Variants in PCBP3 observed in about 807,000 individuals in gnomAD.
The protein encoded by PCBP3 is poly(rC) binding protein 3.
A neutral mutation model predicts 52.7 loss-of-function variants in PCBP3; 25 were observed. The ratio of observed to expected loss-of-function variants is 0.47; its 90% CI spans 0.35 to 0.66. The LOEUF (loss-of-function observed/expected upper bound fraction) is 0.66, where lower values mean the gene tolerates loss of function less well. Ranked by LOEUF, PCBP3 falls within the 30% of genes least tolerant of loss-of-function variation. The pLI is 0.01. For missense variants in PCBP3, 391 were observed against 490.3 expected (o/e 0.80, Z 1.91); for synonymous variants, 162 against 183.0 (o/e 0.89, Z 0.93).
At chr21:45,939,901 G>C in intron 16 of PCBP3, 129 bp from the exon 17 acceptor site, 4 of 793,180 alleles carry the variant, frequency 5.0e-6, no homozygotes, top group Non-Finnish European at 8.1e-6. Context: ...CCGGGGTGTT[G>C]AGCTCAGGTC....
chr21:45,893,882 C>T (rs1027174682), intron 5 of PCBP3: 46 of 985,292 alleles, frequency 4.7e-5, no homozygotes, highest in Non-Finnish European at 5.5e-5. Context: ...GCAGGCTCTA[C>T]TTCAGCCCTT....
chr21:45,842,380 A>G (rs1394455885), intron 4 of PCBP3, among the ~76,000 whole-genome samples: 3 of 152,000 alleles, frequency 2.0e-5, no homozygotes, highest in African/African-American at 7.3e-5. Flanking sequence ...TGTCTGTTTC[A>G]TTTTTTATTT....
At chr21:45,923,339 A>T (rs1384461683) in intron 13 of PCBP3, among the ~76,000 whole-genome samples, 1 of 152,232 alleles carries the variant, frequency 6.6e-6, no homozygotes, top group Non-Finnish European at 1.5e-5. Flanking sequence ...TTGCAGCTGC[A>T]AGTGGTGCAG....
chr21:45,832,221 A>ATGTTGCCATGGCG (rs1569284777), intron 4 of PCBP3, among the ~76,000 whole-genome samples: 18 of 152,054 alleles, frequency 1.2e-4, no homozygotes, highest in African/African-American at 4.3e-4. Context: ...TTGCCATGGC[A>ATGTTGCCATGGCG]TTTGTAAACT....
intron 1 of PCBP3, among the ~76,000 whole-genome samples, chr21:45,667,098 CTTTCTTTCTTTT>C: frequency 7.4e-6 from 1 of 135,958 alleles, no homozygotes; most frequent in African/African-American, 2.8e-5. Flanking sequence ...TTCTTTCTTT[CTTTCTTTCTTTT>C]TCTTTCTTTC....
rs1047008443 is a variant in PCBP3 at position 45,791,328 on chromosome 21, G to A, written c.-126+35876G>A. 6.6e-6 allele frequency among the ~76,000 whole-genome samples: 1 copy of A among 152,218 alleles called. No individual in the cohort carries two copies. The highest frequency in any genetic ancestry group is 1.5e-5 in the Non-Finnish European group (1 of 68,032). The stretch of plus-strand genomic sequence containing the variant: ...TGGGAGCATGGCCAGCCCAGGGAGT[G>A]AGTGTGGTCACTGGTGTGTGTGGCC... On this transcript the variant is annotated intron_variant, in intron 4 of 17. Coordinates refer to ENST00000681687, the MANE Select transcript of PCBP3 (RefSeq NM_001384156.1). This position sits in a 1 kb window ranked among gnomAD's most constrained non-coding sequence, Gnocchi z 4.2.
At chr21:45,759,672 A>G (rs1424071760) in intron 4 of PCBP3, 2 of 152,268 alleles carry the variant, frequency 1.3e-5, no homozygotes, top group African/African-American at 2.4e-5. Flanking sequence ...ATAACATATA[A>G]TTCATTGGTT....
At position 45,739,009 on chromosome 21, in the gene PCBP3, C is replaced by G. The variant is rs2086132310; in HGVS notation, c.-162+3580C>G. On this transcript the variant is annotated intron_variant, in intron 3 of 17. Coordinates refer to ENST00000681687, the MANE Select transcript of PCBP3 (RefSeq NM_001384156.1). The stretch of plus-strand genomic sequence containing the variant: ...AGCCCACCCCTTCCTGTCCACGGTC[C>G]TCTGGGTGGCCCCACCATCTTCATC... 3.4e-5 allele frequency among the ~76,000 whole-genome samples: 4 copies of G among 116,662 alleles called. No individual in the cohort carries two copies. In the South Asian group the frequency reaches 1.5e-3, roughly 42 times the overall value. 76.5% of individuals were successfully genotyped at this position (116,662 alleles called of 152,430 possible).
At position 45,704,029 on chromosome 21, in the gene PCBP3, G is replaced by A. The variant is rs1330140911; in HGVS notation, c.-199-31363G>A. ...GGTTGATGGATGAAATTACCAAGTA[G>A]GGAGTACAAGGAGAGACGAGGATCC... On this transcript the variant is annotated intron_variant, in intron 2 of 17. Transcript: ENST00000681687. The surrounding 1 kb of genome is among the most constrained non-coding windows in gnomAD (Gnocchi z 4.1). 6.6e-6 allele frequency among the ~76,000 whole-genome samples: 1 copy of A among 152,164 alleles called. No individual in the cohort carries two copies. Among genetic ancestry groups the A allele is most frequent in the Non-Finnish European group, 1.5e-5 (1 of 68,042 alleles).
At chr21:45,822,809 A>G (rs1277075891) in intron 4 of PCBP3, among the ~76,000 whole-genome samples, 3 of 152,148 alleles carry the variant, frequency 2.0e-5, no homozygotes, top group Non-Finnish European at 4.4e-5. Flanking sequence ...CCTGAGCAGG[A>G]CTAATCAGGC....
At chr21:45,798,837 G>A (rs1178349636) in intron 4 of PCBP3, among the ~76,000 whole-genome samples, 2 of 148,042 alleles carry the variant, frequency 1.4e-5, no homozygotes, top group African/African-American at 5.1e-5. Context: ...TCCGTAGAGA[G>A]AGTGAATGGA....
Position 45,691,321 on chromosome 21 carries a change from T to C in PCBP3, c.-200+22369T>C, listed in dbSNP as rs539959282. On this transcript the variant is annotated intron_variant, in intron 2 of 17. Transcript: ENST00000681687. Reference sequence around the variant, plus strand: ...GACTGGAAGGTGAGAGTGGGGAATATTGAATGAAAAGGGGTACCAGAGCCT... The same window carrying C: ...GACTGGAAGGTGAGAGTGGGGAATACTGAATGAAAAGGGGTACCAGAGCCT... 6.7e-5 allele frequency among the ~76,000 whole-genome samples: 10 copies of C among 150,132 alleles called. No individual in the cohort carries two copies. In the South Asian group the frequency reaches 1.9e-3, roughly 28 times the overall value.
intron 1 of PCBP3, among the ~76,000 whole-genome samples, chr21:45,659,448 C>CAA (rs1237563004): frequency 6.7e-6 from 1 of 148,556 alleles, no homozygotes; most frequent in Admixed American, 6.8e-5. Flanking sequence ...CTCCTGAGCT[C>CAA]AAACGATCTT....
Position 45,724,537 on chromosome 21 carries a change from C to T in PCBP3, c.-199-10855C>T, listed in dbSNP as rs148547366. 3.0e-4 allele frequency among the ~76,000 whole-genome samples: 45 copies of T among 152,306 alleles called. No individual in the cohort carries two copies. Among genetic ancestry groups the T allele is most frequent in the Non-Finnish European group, 5.1e-4 (35 of 68,032 alleles). On this transcript the variant is annotated intron_variant, in intron 2 of 17. Transcript: ENST00000681687. This position sits in a 1 kb window ranked among gnomAD's most constrained non-coding sequence, Gnocchi z 5.3. ...TGGGGACAGCTGGGAATCTCGCTGC[C>T]TTCATGGTGGCGGGCCAGGCTGCTC...
At chr21:45,792,321 A>C (rs935393374) in intron 4 of PCBP3, among the ~76,000 whole-genome samples, 18 of 152,334 alleles carry the variant, frequency 1.2e-4, no homozygotes, top group African/African-American at 4.3e-4. Context: ...GGGCGGGCTC[A>C]GTGGAGGGTC....
intron 13 of PCBP3, among the ~76,000 whole-genome samples, chr21:45,929,157 G>C (rs1348955587): frequency 6.6e-6 from 1 of 152,220 alleles, no homozygotes; most frequent in Non-Finnish European, 1.5e-5. Context: ...TGGCATCAAA[G>C]CCCCCTTGAA....
intron 12 of PCBP3, chr21:45,916,872 G>A (rs937927142): frequency 3.9e-5 from 6 of 152,418 alleles, no homozygotes; most frequent in Non-Finnish European, 8.8e-5. Flanking sequence ...TCCACTGACG[G>A]GACCTGTGGG....
At chr21:45,918,593 G>A (rs1050525457) in intron 13 of PCBP3, 2 of 142,090 alleles carry the variant, frequency 1.4e-5, no homozygotes, top group Non-Finnish European at 3.1e-5. Flanking sequence ...CAGTGCTGGG[G>A]GAAGAAGTTA....
intron 5 of PCBP3, among the ~76,000 whole-genome samples, chr21:45,856,585 G>C (rs1239454949): frequency 6.6e-6 from 1 of 152,006 alleles, no homozygotes; most frequent in African/African-American, 2.4e-5. Flanking sequence ...AAAGTGTGTG[G>C]CACGCCCCCC....
Sources: gnomAD v4.1 joint callset for allele counts (sites outside exome capture counted in the v4.1 genomes callset) on GRCh38, gnomAD v4.1.1 for gene constraint, Gnocchi (gnomAD v3.1) non-coding constraint, MANE v1.5 for transcripts, NCBI Gene and HGNC (gene_info 2026-07-23, HGNC 2026-07-21) for gene names.